Variants in HELLS observed in about 807,000 individuals in gnomAD.
The protein encoded by HELLS is lymphoid-specific helicase.
In HELLS, 32 loss-of-function variants were observed where a neutral mutation model predicts 120.0. The ratio of observed to expected loss-of-function variants is 0.27; its 90% CI spans 0.20 to 0.36. The LOEUF is 0.36. HELLS is among the 10% of genes least tolerant of loss of function. The pLI is 1.00. For synonymous variants in HELLS, 341 were observed against 323.4 expected, an observed-to-expected ratio of 1.05 and a Z score of -0.58; for missense variants, 650 against 993.4, an observed-to-expected ratio of 0.65 and a Z score of 4.65.
intron 6 of HELLS, among the ~76,000 whole-genome samples, chr10:94,567,905 GTTTT>G (rs34881072): frequency 1.8e-4 from 24 of 130,630 alleles, no homozygotes; most frequent in African/African-American, 6.1e-4. Context: ...TGAAACCCTG[GTTTT>G]TTTTTTTTTT....
At chr10:94,579,201 C>CTTT (rs11431624) in intron 10 of HELLS, among the ~76,000 whole-genome samples, 14 of 133,836 alleles carry the variant, frequency 1.0e-4, no homozygotes, top group East Asian at 4.3e-4. Flanking sequence ...CTACTTTTTT[C>CTTT]TTTTTTTTTT....
chr10:94,591,913 A>T (rs1845507542), intron 15 of HELLS, among the ~76,000 whole-genome samples: 2 of 152,238 alleles, frequency 1.3e-5, no homozygotes, highest in African/African-American at 4.8e-5. Context: ...TAACTCACTT[A>T]TAAAGAATAA....
chr10:94,592,184 A>G (rs750668315), intron 15 of HELLS, 45 bp from the exon 16 acceptor site: 4 of 1,422,090 alleles, frequency 2.8e-6, no homozygotes, highest in South Asian at 1.2e-5. Flanking sequence ...AACAAAGCAA[A>G]TAACAGTTTT....
intron 12 of HELLS, among the ~76,000 whole-genome samples, chr10:94,586,339 T>C (rs1207344874): frequency 1.3e-5 from 2 of 152,218 alleles, no homozygotes; most frequent in Non-Finnish European, 2.9e-5. Flanking sequence ...GCCGGGATGG[T>C]CTCGATCTCC....
intron 6 of HELLS, among the ~76,000 whole-genome samples, chr10:94,566,591 C>A (rs1843808537): frequency 6.6e-6 from 1 of 151,930 alleles, no homozygotes; most frequent in South Asian, 2.1e-4. Flanking sequence ...TTTGGTAAAT[C>A]ACTTGGCTAG....
chr10:94,586,685 T>G (rs780847089), intron 12 of HELLS, among the ~76,000 whole-genome samples: 10 of 152,080 alleles, frequency 6.6e-5, no homozygotes, highest in African/African-American at 2.4e-4. Context: ...TTGTTTATTA[T>G]TATTAGTAGT....
intron 12 of HELLS, among the ~76,000 whole-genome samples, chr10:94,586,004 T>G (rs1391029435): frequency 6.6e-6 from 1 of 152,238 alleles, no homozygotes; most frequent in Non-Finnish European, 1.5e-5. Flanking sequence ...TTCTTCCACA[T>G]ATTTGCCATT....
chr10:94,547,800 T>C (rs1056073846), intron 2 of HELLS, among the ~76,000 whole-genome samples: 5 of 152,176 alleles, frequency 3.3e-5, no homozygotes, highest in African/African-American at 1.2e-4. Flanking sequence ...AACATTCCAG[T>C]GTAGGCCATG....
Position 94,545,821 on chromosome 10 carries a change from A to T in HELLS, c.-101A>T. On this transcript the variant is annotated 5_prime_UTR_variant, in exon 1 of 22. Coordinates refer to ENST00000348459, the MANE Select transcript of HELLS (RefSeq NM_018063.5). ...AGCGCGCTTTTTTCCCTGGCGGGGG[A>T]TTTGGCTAGAAGGCTGGGCCGGCAG... 2 of 1,345,608 alleles carry T rather than the reference A, an allele frequency of 1.5e-6. No homozygotes were observed. Among genetic ancestry groups the T allele is most frequent in the Non-Finnish European group, 1.0e-6 (1 of 959,354 alleles). 83.4% of individuals were successfully genotyped at this position (1,345,608 alleles called of 1,614,324 possible). A position where few individuals can be genotyped will look rare whatever the true frequency, so the allele number is the denominator to read the frequency against.
At position 94,601,599 on chromosome 10, in the gene HELLS, TC is replaced by T; in HGVS notation, c.2496del (p.Ser833ValfsTer15). ...CAAGATATTAGAAAATTCTGAAGAT[TC>T]CAGTCCTGAATGTTTGTTTTAAAGT... ...IFKILENSED[S>X]SPECLF is the part of the protein sequence containing the mutation. On this transcript the variant is annotated frameshift_variant, in exon 22 of 22. Transcript: ENST00000348459. LOFTEE classifies it high-confidence loss of function. 1 of 1,574,430 alleles carries T rather than the reference TC, an allele frequency of 6.4e-7. No homozygotes were observed. The highest frequency in any genetic ancestry group is 8.7e-7 in the Non-Finnish European group (1 of 1,149,474).
At chr10:94,547,090 G>T (rs963663237) in intron 2 of HELLS, among the ~76,000 whole-genome samples, 2 of 152,194 alleles carry the variant, frequency 1.3e-5, no homozygotes, top group African/African-American at 4.8e-5. Context: ...ACAAGTTGCT[G>T]TAGTTTTCTT....
At chr10:94,558,469 A>G (rs1210869355) in intron 4 of HELLS, among the ~76,000 whole-genome samples, 1 of 152,212 alleles carries the variant, frequency 6.6e-6, no homozygotes, top group Non-Finnish European at 1.5e-5. Context: ...GAATCTGCAA[A>G]TTTAAACTTC....
In HELLS at chr10:94,578,865, CA is replaced by C. The variant is rs779038814; in HGVS notation, c.1032+2061del. Among the ~76,000 whole-genome samples, 356 of 152,262 alleles carry C rather than the reference CA, an allele frequency of 2.3e-3. 1 individual carries two copies. The highest frequency in any genetic ancestry group is 4.3e-3 in the Non-Finnish European group (294 of 68,020). On this transcript the variant is annotated intron_variant, in intron 10 of 21. Coordinates refer to ENST00000348459, the MANE Select transcript of HELLS (RefSeq NM_018063.5). ...TGGATGTGCAGTTCACAATAGTGTT[CA>C]TGCTCCTATGAGAATATAATGTCTC...
chr10:94,590,314 T>C (rs1379690472), intron 13 of HELLS, 99 bp from the exon 14 acceptor site: 2 of 976,340 alleles, frequency 2.0e-6, no homozygotes, highest in African/African-American at 3.3e-5. Context: ...TGTCTATAGA[T>C]TGTCATTTTG....
intron 4 of HELLS, among the ~76,000 whole-genome samples, chr10:94,561,884 A>T (rs80104560): frequency 6.6e-6 from 1 of 151,910 alleles, no homozygotes; most frequent in African/African-American, 2.4e-5. Context: ...TTCACAATGA[A>T]TATTCCTTCA....
intron 2 of HELLS, among the ~76,000 whole-genome samples, chr10:94,547,168 C>T (rs1336584851): frequency 6.6e-6 from 1 of 152,094 alleles, no homozygotes; most frequent in Non-Finnish European, 1.5e-5. Context: ...ATTCTAAAGC[C>T]CCACCCTGCT....
Position 94,593,594 on chromosome 10 carries a change from T to G in HELLS, c.2067T>G (p.Val689=), listed in dbSNP as rs1845595686. 1 of 1,597,170 alleles carries G rather than the reference T, an allele frequency of 6.3e-7. No individual in the cohort carries two copies. Among genetic ancestry groups the G allele is most frequent in the African/African-American group, 1.3e-5 (1 of 74,568 alleles). ...LGINLTAADT[V]IIYDSDWNPQ... ...TTAATCTGACTGCAGCAGATACAGT[T>G]ATCATTTATGATAGTGATTGGGTAA... The change falls in exon 18 of 22, where the codon GTT becomes GTG. Residue 689 remains valine, a synonymous_variant. Transcript: ENST00000348459.
chr10:94,584,030 G>C, intron 12 of HELLS: 3 of 885,634 alleles, frequency 3.4e-6, no homozygotes, highest in South Asian at 1.6e-5. Context: ...TACAGATGAG[G>C]GCTTCTTTGA....
At chr10:94,570,628 C>A (rs1470772286) in intron 6 of HELLS, 2 of 151,844 alleles carry the variant, frequency 1.3e-5, no homozygotes, top group Non-Finnish European at 2.9e-5. Context: ...CTGGTGACAA[C>A]TTTTTAGATA....
Sources: gnomAD v4.1 joint callset for allele counts (sites outside exome capture counted in the v4.1 genomes callset) on GRCh38, gnomAD v4.1.1 for gene constraint, MANE v1.5 for transcripts, NCBI Gene and HGNC (gene_info 2026-07-23, HGNC 2026-07-21) for gene names.